ACSM2B: variants seen among roughly 807,000 people sequenced by gnomAD.
ACSM2B encodes acyl-CoA synthetase medium chain family member 2B.
A neutral mutation model predicts 78.6 loss-of-function variants in ACSM2B; 58 were observed. The ratio of observed to expected loss-of-function variants is 0.74; its 90% confidence interval spans 0.60 to 0.92. The LOEUF is 0.92. Ranked by LOEUF, ACSM2B falls within the 40% of genes least tolerant of loss-of-function variation. The pLI is 0.00. For missense variants in ACSM2B, 688 were observed against 711.2 expected, an observed-to-expected ratio of 0.97 and a Z score of 0.37; for synonymous variants, 257 against 256.8, an observed-to-expected ratio of 1.00 and a Z score of -0.01.
chr16:20,537,712 A>G (rs1250100849), intron 13 of ACSM2B, among the ~76,000 whole-genome samples: 6 of 152,210 alleles, frequency 3.9e-5, no homozygotes, highest in Admixed American at 6.5e-5. Flanking sequence ...GCTAAGACTC[A>G]GTTTTCCCAC....
intron 3 of ACSM2B, among the ~76,000 whole-genome samples, chr16:20,557,302 A>G (rs775439467): frequency 2.0e-5 from 3 of 152,088 alleles, no homozygotes; most frequent in Non-Finnish European, 4.4e-5. Context: ...ACCTCTTTCT[A>G]TATCTGTGCT....
intron 1 of ACSM2B, among the ~76,000 whole-genome samples, chr16:20,572,864 T>C (rs1021338986): frequency 1.3e-5 from 2 of 151,968 alleles, no homozygotes; most frequent in African/African-American, 4.8e-5. Context: ...TTCAATTCTA[T>C]TGTTGAGGCT....
chr16:20,561,797 T>C (rs1199715065), intron 2 of ACSM2B, among the ~76,000 whole-genome samples: 1 of 151,760 alleles, frequency 6.6e-6, no homozygotes. Context: ...ATGTGCCATG[T>C]TGGTGTGCTG....
intron 12 of ACSM2B, chr16:20,541,561 C>T (rs1312924991): frequency 6.6e-6 from 1 of 151,892 alleles, no homozygotes; most frequent in East Asian, 1.9e-4. Flanking sequence ...ATTCAAATAT[C>T]AAACAGCAGG....
rs546823653 is a variant in ACSM2B at position 20,540,284 on chromosome 16, T to C, written c.1629+370A>G. On this transcript the variant is annotated intron_variant, in intron 13 of 13. Transcript: ENST00000329697. ...TTGAGACAGGGTCTCACTCTGTCACTTAGGCTGGAGTGCAGTGGCATGATC... is the reference window on the plus strand; with the variant it reads ...TTGAGACAGGGTCTCACTCTGTCACCTAGGCTGGAGTGCAGTGGCATGATC... Among the ~76,000 whole-genome samples the C allele has an allele frequency of 6.8e-5, 10 of 146,742 alleles. No homozygotes were observed. The East Asian group carries it at 1.7e-3, about 25-fold the overall frequency.
At chr16:20,564,895 A>G (rs2015777185) in intron 1 of ACSM2B, 42 bp from the exon 2 acceptor site, 2 of 1,565,052 alleles carry the variant, frequency 1.3e-6, no homozygotes, top group Non-Finnish European at 8.7e-7. Context: ...CTTCTTTAAC[A>G]GATTGCTCTA....
Position 20,553,803 on chromosome 16 carries a change from C to A in ACSM2B, c.714G>T (p.Leu238=). The A allele has an allele frequency of 1.2e-6, 2 of 1,611,620 alleles. No homozygotes were observed. The highest frequency in any genetic ancestry group is 1.7e-6 in the Non-Finnish European group (2 of 1,178,126). ...CAGCATCCATCTTGGCCTTGAGGCC[C>A]AGGCTCGAGTAGGAATGTTCTGCCA... The part of the protein sequence containing the change: ...PKMAEHSYSS[L]GLKAKMDAGW... The change falls in exon 5 of 14, where the codon CTG becomes CTT. Residue 238 remains leucine (L), a synonymous_variant. Coordinates refer to ENST00000329697, the MANE Select transcript of ACSM2B (RefSeq NM_001105069.2).
chr16:20,571,055 A>G (rs1487098613), intron 1 of ACSM2B, among the ~76,000 whole-genome samples: 5 of 150,666 alleles, frequency 3.3e-5, no homozygotes, highest in Admixed American at 6.6e-5. Flanking sequence ...GTATTTTTTT[A>G]TCTCAATTTC....
At chr16:20,553,286 G>A (rs1362004731) in intron 5 of ACSM2B, among the ~76,000 whole-genome samples, 1 of 152,118 alleles carries the variant, frequency 6.6e-6, no homozygotes, top group Non-Finnish European at 1.5e-5. Flanking sequence ...TTCCACAAAT[G>A]GGATTAATGT....
chr16:20,540,824 C>A lies in ACSM2B; in HGVS notation c.1510-51G>T, dbSNP rs370635469. The A allele has an allele frequency of 2.7e-4, 424 of 1,588,182 alleles. 1 individual carries two copies. In the South Asian group the frequency reaches 4.2e-3, roughly 16 times the overall value. On this transcript the variant is annotated intron_variant, in intron 12 of 13. Coordinates refer to ENST00000329697, the MANE Select transcript of ACSM2B (RefSeq NM_001105069.2). ...ATAAGGGATTAGAGTGTGTAGTCAT[C>A]TCCTGGAATAATGTGAAATTAGCAT...
chr16:20,552,860 G>C (rs920263801), intron 5 of ACSM2B, among the ~76,000 whole-genome samples: 1 of 152,146 alleles, frequency 6.6e-6, no homozygotes, highest in Non-Finnish European at 1.5e-5. Context: ...CCTTGTGACG[G>C]GAACTGCCAT....
At chr16:20,548,297 C>A (rs1197452043) in intron 7 of ACSM2B, 97 bp downstream of exon 7, 1 of 1,606,746 alleles carries the variant, frequency 6.2e-7, no homozygotes, top group East Asian at 2.2e-5. Flanking sequence ...ATGGGGCTCT[C>A]TGTGTGCGAG....
intron 13 of ACSM2B, among the ~76,000 whole-genome samples, chr16:20,538,098 T>C (rs923075242): frequency 6.6e-6 from 1 of 152,180 alleles, no homozygotes; most frequent in Non-Finnish European, 1.5e-5. Flanking sequence ...TGCCATGGCA[T>C]TGATTTAAGC....
intron 2 of ACSM2B, among the ~76,000 whole-genome samples, chr16:20,562,845 G>C (rs1196516705): frequency 6.6e-6 from 1 of 152,102 alleles, no homozygotes; most frequent in Non-Finnish European, 1.5e-5. Flanking sequence ...ACTGACCTTT[G>C]AGATATTTTC....
Position 20,540,640 on chromosome 16 carries a change from C to G in ACSM2B, c.1629+14G>C. On this transcript the variant is annotated intron_variant, in intron 13 of 13. Transcript: ENST00000329697. ...TTCTCAAGTTTGAGTGACTTGGGAG[C>G]TCAAAGGCCTTACCTTTCTTGGGTA... 6.2e-7 allele frequency: 1 copy of G among 1,612,846 alleles called. No homozygotes were observed. The highest frequency in any genetic ancestry group is 2.2e-5 in the East Asian group (1 of 44,822).
chr16:20,575,622 A>T (rs1219640520), intron 1 of ACSM2B: 1 of 150,636 alleles, frequency 6.6e-6, no homozygotes, highest in Non-Finnish European at 1.5e-5. Context: ...ATGCTGGATT[A>T]GGTGGTGCCT....
At chr16:20,545,072 A>C (rs967254733) in intron 10 of ACSM2B, 85 bp downstream of exon 10, 124 of 1,462,968 alleles carry the variant, frequency 8.5e-5, no homozygotes, top group Non-Finnish European at 1.1e-4. Context: ...GCCTCTTGGA[A>C]GTTTCAGAAC....
rs569762576 is a variant in ACSM2B at position 20,571,371 on chromosome 16, T to G, written c.-9+4836A>C. 9.3e-5 allele frequency among the ~76,000 whole-genome samples: 14 copies of G among 150,546 alleles called. 1 individual carries two copies. The highest frequency in any genetic ancestry group is 4.0e-4 in the Admixed American group (6 of 15,122). On this transcript the variant is annotated intron_variant, in intron 1 of 13. Transcript: ENST00000329697. The stretch of plus-strand genomic sequence containing the variant: ...AGGTTATTTAATTTCCATGTATTCA[T>G]GTGATTTTGAAGATTCCTTTTGGAG...
intron 3 of ACSM2B, among the ~76,000 whole-genome samples, chr16:20,556,709 C>G (rs557640748): frequency 1.3e-5 from 2 of 152,320 alleles, no homozygotes; most frequent in East Asian, 3.9e-4. Context: ...CCTTAGCTCA[C>G]TTTCTTCCCA....
Sources: gnomAD v4.1 joint callset for allele counts (sites outside exome capture counted in the v4.1 genomes callset) on GRCh38, gnomAD v4.1.1 for gene constraint, MANE v1.5 for transcripts, NCBI Gene and HGNC (gene_info 2026-07-23, HGNC 2026-07-21) for gene names.